ADAM22: variants seen among roughly 807,000 people sequenced by gnomAD.
ADAM22 encodes disintegrin and metalloproteinase domain-containing protein 22.
Under a neutral mutation model 144.6 loss-of-function variants are expected in ADAM22, and 65 were observed. The ratio of observed to expected loss-of-function variants is 0.45; its 90% CI spans 0.37 to 0.55. The LOEUF (loss-of-function observed/expected upper bound fraction) is 0.55. Among genes scored for constraint, ADAM22 ranks in the 20% least tolerant of loss-of-function variants. The pLI is 0.00. For synonymous variants in ADAM22, 391 were observed against 412.6 expected (o/e 0.95, Z 0.63); for missense variants, 974 against 1,184.9 (o/e 0.82, Z 2.61).
At chr7:87,966,136 T>C (rs1848995950) in intron 2 of ADAM22, among the ~76,000 whole-genome samples, 1 of 152,174 alleles carries the variant, frequency 6.6e-6, no homozygotes, top group South Asian at 2.1e-4. Flanking sequence ...TAATGAAATA[T>C]CAAGCCAATA....
At chr7:88,103,818 A>C (rs1823609671) in intron 4 of ADAM22, among the ~76,000 whole-genome samples, 1 of 152,154 alleles carries the variant, frequency 6.6e-6, no homozygotes, top group Non-Finnish European at 1.5e-5. Context: ...GAGAACCTTT[A>C]TAATTGATAA....
At chr7:88,046,116 T>C (rs1804634157) in intron 3 of ADAM22, among the ~76,000 whole-genome samples, 1 of 152,218 alleles carries the variant, frequency 6.6e-6, no homozygotes, top group Non-Finnish European at 1.5e-5. Flanking sequence ...CATAGTTCTA[T>C]TTTTAATTCT....
chr7:88,166,529 T>A (rs1842974563), intron 24 of ADAM22, among the ~76,000 whole-genome samples: 1 of 152,134 alleles, frequency 6.6e-6, no homozygotes, highest in African/African-American at 2.4e-5. Flanking sequence ...AAAGAACTTA[T>A]ACATTGGAGG....
chr7:88,191,712 G>A (rs1051932542), intron 30 of ADAM22, among the ~76,000 whole-genome samples: 4 of 152,080 alleles, frequency 2.6e-5, no homozygotes, highest in Non-Finnish European at 5.9e-5. Flanking sequence ...ACACCCATCC[G>A]CTCGGCAATG....
At chr7:88,070,397 AGTCT>A (rs1331989878) in intron 3 of ADAM22, among the ~76,000 whole-genome samples, 1 of 152,206 alleles carries the variant, frequency 6.6e-6, no homozygotes, top group Non-Finnish European at 1.5e-5. Context: ...AACAGCCTTT[AGTCT>A]GTCTGAGTTA....
chr7:88,044,041 A>C (rs1803861044), intron 3 of ADAM22, among the ~76,000 whole-genome samples: 1 of 152,228 alleles, frequency 6.6e-6, no homozygotes. Flanking sequence ...ATTAAATCCA[A>C]AGAGAAGTAC....
intron 25 of ADAM22, among the ~76,000 whole-genome samples, chr7:88,170,455 A>T (rs1191940647): frequency 6.9e-6 from 1 of 145,302 alleles, no homozygotes; most frequent in African/African-American, 2.6e-5. Flanking sequence ...AGCAGGAATT[A>T]AAAAAAAAAA....
chr7:88,078,748 T>G (rs887244285), intron 4 of ADAM22, among the ~76,000 whole-genome samples: 3 of 151,578 alleles, frequency 2.0e-5, no homozygotes, highest in Non-Finnish European at 4.4e-5. Flanking sequence ...AGGGTATCAG[T>G]GATGGAAGAT....
intron 3 of ADAM22, among the ~76,000 whole-genome samples, chr7:88,015,649 C>A (rs962550472): frequency 3.9e-5 from 6 of 152,218 alleles, no homozygotes; most frequent in African/African-American, 1.4e-4. Context: ...CAAAGCCAAG[C>A]AAAGCCCAGA....
intron 2 of ADAM22, among the ~76,000 whole-genome samples, chr7:87,949,067 G>T (rs1844400753): frequency 6.6e-6 from 1 of 152,114 alleles, no homozygotes; most frequent in Non-Finnish European, 1.5e-5. Context: ...GCTTTCGTTG[G>T]GATGGCATGG....
At chr7:88,067,972 C>T (rs1251987413) in intron 3 of ADAM22, among the ~76,000 whole-genome samples, 2 of 151,926 alleles carry the variant, frequency 1.3e-5, no homozygotes, top group Non-Finnish European at 2.9e-5. Flanking sequence ...CTTTTAATTC[C>T]CTTTTGTAGT....
chr7:88,058,594 A>C (rs781767684), intron 3 of ADAM22, among the ~76,000 whole-genome samples: 3 of 152,218 alleles, frequency 2.0e-5, no homozygotes, highest in Non-Finnish European at 4.4e-5. Context: ...TGTTGGAAAT[A>C]ATGTTCACAA....
Position 87,952,594 on chromosome 7 carries a change from TAA to T in ADAM22, c.246+17411_246+17412del, listed in dbSNP as rs1191533796. The stretch of plus-strand genomic sequence containing the variant: ...TCAATGTTCATCAAGGATATTGGTC[TAA>T]AATTCTCTTTTTTGGTTGTGTCTCT... On this transcript the variant is annotated intron_variant, in intron 2 of 31. Transcript: ENST00000413139. Among the ~76,000 whole-genome samples, 6 of 152,082 alleles carry T rather than the reference TAA, an allele frequency of 3.9e-5. No homozygotes were observed. In the South Asian group the frequency reaches 1.2e-3, roughly 32 times the overall value.
chr7:88,020,058 A>G (rs1029735191), intron 3 of ADAM22, among the ~76,000 whole-genome samples: 28 of 152,158 alleles, frequency 1.8e-4, no homozygotes, highest in Non-Finnish European at 1.6e-4. Context: ...TTAGGTGGAT[A>G]GCAATTTTTT....
intron 7 of ADAM22, among the ~76,000 whole-genome samples, chr7:88,122,906 A>C (rs1180112939): frequency 6.6e-6 from 1 of 152,172 alleles, no homozygotes; most frequent in African/African-American, 2.4e-5. Context: ...CTTTTCCATG[A>C]AAGGTAGCAC....
In ADAM22 at chr7:87,967,841, G is replaced by GTTCT. The variant is rs1281464468; in HGVS notation, c.247-10494_247-10491dup. On this transcript the variant is annotated intron_variant, in intron 2 of 31. Coordinates refer to ENST00000413139, the MANE Select transcript of ADAM22 (RefSeq NM_001324418.2). Reference sequence around the variant, plus strand: ...AAAAAAAAAAAAAAAGTATATTGAGGTTCTACTTTGTGACAAAGTGTGCCA... The same window carrying GTTCT: ...AAAAAAAAAAAAAAAGTATATTGAGGTTCTTTCTACTTTGTGACAAAGTGTGCCA... Among the ~76,000 whole-genome samples the GTTCT allele has an allele frequency of 3.8e-4, 55 of 146,124 alleles. 1 individual carries two copies. The East Asian group carries it at 0.011, about 28-fold the overall frequency.
chr7:88,027,787 T>C (rs1799343851), intron 3 of ADAM22, among the ~76,000 whole-genome samples: 1 of 152,102 alleles, frequency 6.6e-6, no homozygotes, highest in Admixed American at 6.6e-5. Context: ...CATTAGGTTG[T>C]TTATTTGAGC....
intron 3 of ADAM22, among the ~76,000 whole-genome samples, chr7:88,058,196 A>G (rs1808808054): frequency 6.6e-6 from 1 of 152,242 alleles, no homozygotes; most frequent in South Asian, 2.1e-4. Flanking sequence ...AACAAGAAGT[A>G]GCACTTGGGA....
intron 9 of ADAM22, among the ~76,000 whole-genome samples, chr7:88,128,890 T>C (rs1456209418): frequency 6.6e-6 from 1 of 152,074 alleles, no homozygotes; most frequent in East Asian, 1.9e-4. Flanking sequence ...TCAAAAATAC[T>C]TTGTGACTCA....
Sources: allele counts gnomAD v4.1 joint callset (sites outside exome capture counted in the v4.1 genomes callset), GRCh38; gene constraint gnomAD v4.1.1; transcripts MANE v1.5; gene names NCBI Gene and HGNC (gene_info 2026-07-23, HGNC 2026-07-21).